MISP: variants seen among roughly 807,000 people sequenced by gnomAD.
MISP encodes the protein mitotic spindle positioning, also known as mitotic interactor and substrate of PLK1.
Under a neutral mutation model 49.3 loss-of-function variants are expected in MISP, and 51 were observed. That is an observed-to-expected ratio of 1.03 (90% confidence interval 0.83 to 1.31). MISP has a LOEUF of 1.31. Ranked by LOEUF, MISP falls within the 50% of genes most tolerant of loss-of-function variation. MISP has a pLI of 0.00. For missense variants in MISP, 1,084 were observed against 935.1 expected, an observed-to-expected ratio of 1.16 and a Z score of -2.08; for synonymous variants, 444 against 392.6, an observed-to-expected ratio of 1.13 and a Z score of -1.55.
At chr19:763,231 C>T (rs1388283599) in intron 4 of MISP, among the ~76,000 whole-genome samples, 3 of 152,144 alleles carry the variant, frequency 2.0e-5, no homozygotes, top group Admixed American at 6.5e-5. Context: ...GAGCCAAGAT[C>T]GCGCCACTGC....
Position 759,946 on chromosome 19 carries a change from C to A in MISP, c.1818C>A (p.Phe606Leu), listed in dbSNP as rs1599187151. ...TGSYSVSESP[F>L]FSPIHLHSNV... The stretch of plus-strand genomic sequence containing the variant: ...GTTACTCGGTGTCTGAGTCTCCCTT[C>A]TTCAGCCCCATCCACCTACACTCAA... The change falls in exon 3 of 5, where the codon TTC becomes TTA. Residue 606 changes from phenylalanine (F) to leucine (L), a missense_variant. By Grantham distance (22) the Phe-to-Leu change is conservative. Transcript: ENST00000215582. The A allele has an allele frequency of 6.2e-7, 1 of 1,614,110 alleles. No individual in the cohort carries two copies. The highest frequency in any genetic ancestry group is 2.2e-5 in the East Asian group (1 of 44,882).
intron 1 of MISP, among the ~76,000 whole-genome samples, chr19:755,206 T>C (rs964817899): frequency 3.3e-5 from 5 of 152,074 alleles, no homozygotes; most frequent in Non-Finnish European, 7.4e-5. Context: ...CCGGGAAGGC[T>C]CCTGGAACTG....
At chr19:749,824 CAAAAA>C (rs775414369), upstream of MISP, among the ~76,000 whole-genome samples, 35 of 144,964 alleles carry the variant, frequency 2.4e-4, no homozygotes, top group African/African-American at 8.5e-4. Context: ...GACTCCGTCT[CAAAAA>C]AAAAACACAA....
intron 2 of MISP, among the ~76,000 whole-genome samples, chr19:759,586 G>A (rs187659042): frequency 2.0e-5 from 3 of 151,734 alleles, no homozygotes; most frequent in Non-Finnish European, 4.4e-5. Flanking sequence ...ATTTTTAGTA[G>A]AGATGGGGTT....
At chr19:754,847 G>C (rs1203781344) in intron 1 of MISP, among the ~76,000 whole-genome samples, 3 of 145,768 alleles carry the variant, frequency 2.1e-5, no homozygotes, top group African/African-American at 8.1e-5. Flanking sequence ...GGAGGAAGAG[G>C]GCCTGGTTTG....
chr19:754,765 G>A (rs1388927995), intron 1 of MISP, among the ~76,000 whole-genome samples: 4 of 152,212 alleles, frequency 2.6e-5, no homozygotes, highest in East Asian at 1.9e-4. Context: ...AGAGGAAGCC[G>A]TGGAGAAGCA....
intron 3 of MISP, among the ~76,000 whole-genome samples, chr19:760,685 AAG>A (rs67394691): frequency 3.3e-4 from 49 of 149,014 alleles, no homozygotes; most frequent in East Asian, 3.9e-4. Flanking sequence ...ACTTCTAAGA[AAG>A]AGAGAGAGAG....
At chr19:752,450 G>A (rs1488959050) in intron 1 of MISP, among the ~76,000 whole-genome samples, 1 of 151,890 alleles carries the variant, frequency 6.6e-6, no homozygotes, top group African/African-American at 2.4e-5. Flanking sequence ...TGTGAATCCG[G>A]GAGGCAGAGG....
At chr19:762,198 C>T (rs748110888) in intron 4 of MISP, among the ~76,000 whole-genome samples, 9 of 151,184 alleles carry the variant, frequency 6.0e-5, no homozygotes, top group East Asian at 3.9e-4. Flanking sequence ...GTGATCCACC[C>T]GCCTCGGCCT....
At position 763,666 on chromosome 19, in the gene MISP, A is replaced by G. The variant is rs1057507501; in HGVS notation, c.*76A>G. 8 of 1,070,800 alleles carry G rather than the reference A, an allele frequency of 7.5e-6. No individual in the cohort carries two copies. Among genetic ancestry groups the G allele is most frequent in the Non-Finnish European group, 9.8e-6 (7 of 714,134 alleles). 66.3% of individuals were successfully genotyped at this position (1,070,800 alleles called of 1,614,324 possible). ...CTGCCAAGACCATCGCCAAGCCCCCACCCTAGGAAATGGGTCCTAGGTCCA... is the reference window on the plus strand; with the variant it reads ...CTGCCAAGACCATCGCCAAGCCCCCGCCCTAGGAAATGGGTCCTAGGTCCA... On this transcript the variant is annotated 3_prime_UTR_variant, in exon 5 of 5. Transcript: ENST00000215582.
At chr19:753,381 CT>C (rs201755250) in intron 1 of MISP, among the ~76,000 whole-genome samples, 18 of 144,364 alleles carry the variant, frequency 1.2e-4, no homozygotes, top group African/African-American at 2.2e-4. Context: ...CTTTTTTTTT[CT>C]TTTTTTCTTT....
At chr19:758,845 C>T (rs570850293) in intron 2 of MISP, 119 bp downstream of exon 2, 77 of 738,224 alleles carry the variant, frequency 1.0e-4, no homozygotes, top group Middle Eastern at 7.3e-4. Flanking sequence ...GACATTGCCT[C>T]CTGACTGTTC....
chr19:749,347 AG>A (rs1312991172), upstream of MISP, among the ~76,000 whole-genome samples: 2 of 152,136 alleles, frequency 1.3e-5, no homozygotes, highest in Non-Finnish European at 2.9e-5. Context: ...GCCATTCCTG[AG>A]GCGCGATTTT....
rs762779634 is a variant in MISP, at chr19:757,600, G to T, written c.654G>T (p.Gly218=). ...KGAPHSSPAR[G]TPAGTTPGAS... ...CCCCTCATAGCTCCCCGGCCAGGGG[G>T]ACCCCTGCAGGCACAACCCCAGGGG... The change falls in exon 2 of 5, where the codon GGG becomes GGT. Residue 218 remains glycine (G), a synonymous_variant. Transcript: ENST00000215582. 6.2e-6 allele frequency: 10 copies of T among 1,612,556 alleles called. No homozygotes were observed. Among genetic ancestry groups the T allele is most frequent in the Non-Finnish European group, 7.6e-6 (9 of 1,179,638 alleles).
intron 3 of MISP, 29 bp from the exon 4 acceptor site, chr19:761,596 C>T (rs773858546): frequency 6.2e-7 from 1 of 1,613,998 alleles, no homozygotes; most frequent in Admixed American, 1.7e-5. Flanking sequence ...GCAGAAAGGC[C>T]TGGGCTGACT....
chr19:758,771 G>C, intron 2 of MISP, 45 bp downstream of exon 2: 3 of 1,555,258 alleles, frequency 1.9e-6, no homozygotes, highest in East Asian at 2.3e-5. Flanking sequence ...CAGGGTCTCA[G>C]AGGTTGGAGC....
chr19:751,702 TC>T (rs1384603612), intron 1 of MISP, among the ~76,000 whole-genome samples: 1 of 151,934 alleles, frequency 6.6e-6, no homozygotes, highest in Non-Finnish European at 1.5e-5. Flanking sequence ...TTGGCCTGGG[TC>T]CTCGGGTGGG....
intron 1 of MISP, among the ~76,000 whole-genome samples, chr19:755,844 G>T (rs979127494): frequency 1.8e-4 from 28 of 152,096 alleles, no homozygotes; most frequent in Middle Eastern, 3.4e-3. Context: ...TGAGGCACGA[G>T]AATTGCTTGA....
At position 763,570 on chromosome 19, in the gene MISP, G is replaced by A. The variant is rs373331924; in HGVS notation, c.2020G>A (p.Ala674Thr). 116 of 1,613,648 alleles carry A rather than the reference G, an allele frequency of 7.2e-5. No homozygotes were observed. Among genetic ancestry groups the A allele is most frequent in the African/African-American group, 9.3e-5 (7 of 74,900 alleles). ...MAERWESRIY[A>T]SEEDD ...AGAGCGCTGGGAATCCCGCATCTACGCCAGTGAGGAGGATGACTGAGCCTC... is the reference window on the plus strand; with the variant it reads ...AGAGCGCTGGGAATCCCGCATCTACACCAGTGAGGAGGATGACTGAGCCTC... The change falls in exon 5 of 5, where the codon GCC (alanine) becomes ACC (threonine). Residue 674 changes from alanine to threonine, a missense_variant. Ala to Thr is a moderately conservative substitution (Grantham distance 58). Coordinates refer to ENST00000215582, the MANE Select transcript of MISP (RefSeq NM_173481.4).
Sources: allele counts gnomAD v4.1 joint callset (sites outside exome capture counted in the v4.1 genomes callset), GRCh38; gene constraint gnomAD v4.1.1; transcripts MANE v1.5; gene names NCBI Gene and HGNC (gene_info 2026-07-23, HGNC 2026-07-21).